RHEBL1: variants seen among roughly 807,000 people sequenced by gnomAD.
RHEBL1 encodes the protein GTPase RhebL1.
RHEBL1 carries 22 observed loss-of-function variants against 27.4 expected under a neutral mutation model. The ratio of observed to expected loss-of-function variants is 0.80; its 90% confidence interval spans 0.57 to 1.15. The LOEUF is 1.15. Among genes scored for constraint, RHEBL1 ranks in the 50% most tolerant of loss-of-function variants. The pLI is 0.00. For synonymous variants in RHEBL1, 85 were observed against 80.8 expected (o/e 1.05, Z -0.28); for missense variants, 186 against 226.5 (o/e 0.82, Z 1.15).
Position 49,065,182 on chromosome 12 carries a change from C to T in RHEBL1, c.473G>A (p.Gly158Asp). ...SSARENQLTQGIFTKVIQEIA... is the reference protein window; with the variant it reads ...SSARENQLTQDIFTKVIQEIA... ...CTCCTGGATGACTTTGGTGAAGATG[C>T]CTTGAGTCAGCTATAAGAGGAGAGG... Residue 158 changes from glycine to aspartate, a missense_variant, in exon 8 of 8, where the codon GGC becomes GAC. Physicochemically the swap from Gly to Asp is moderately conservative, Grantham distance 94. Transcript: ENST00000301068. 1.9e-6 allele frequency: 3 copies of T among 1,613,698 alleles called. No individual in the cohort carries two copies. The highest frequency in any genetic ancestry group is 2.5e-6 in the Non-Finnish European group (3 of 1,179,584).
rs746941255 is a variant in RHEBL1, at chr12:49,069,834, CG to C, written c.-50del. 1 of 1,559,454 alleles carries C rather than the reference CG, an allele frequency of 6.4e-7. No homozygotes were observed. Among genetic ancestry groups the C allele is most frequent in the Admixed American group, 1.7e-5 (1 of 59,554 alleles). On this transcript the variant is annotated 5_prime_UTR_variant, in exon 1 of 8. Coordinates refer to ENST00000301068, the MANE Select transcript of RHEBL1 (RefSeq NM_144593.3). Reference sequence around the variant, plus strand: ...TGCGGAACTGCGGGCTCAGAGAGCCCGAAAACGAGGTCAGGGTGTGAGCAGG... The same window carrying C: ...TGCGGAACTGCGGGCTCAGAGAGCCCAAAACGAGGTCAGGGTGTGAGCAGG...
chr12:49,064,710 T>C lies in RHEBL1; in HGVS notation c.*393A>G, dbSNP rs996146218. 8 of 201,340 alleles carry C rather than the reference T, an allele frequency of 4.0e-5. No individual in the cohort carries two copies. Among genetic ancestry groups the C allele is most frequent in the Admixed American group, 3.6e-4 (7 of 19,288 alleles). 12.5% of individuals were successfully genotyped at this position (201,340 alleles called of 1,614,324 possible). Reference sequence around the variant, plus strand: ...AAAGATTTCTCAATTTATTTGCATATATACATTGTCACCCCAGGGAGCCAG... The same window carrying C: ...AAAGATTTCTCAATTTATTTGCATACATACATTGTCACCCCAGGGAGCCAG... On this transcript the variant is annotated 3_prime_UTR_variant, in exon 8 of 8. Coordinates refer to ENST00000301068, the MANE Select transcript of RHEBL1 (RefSeq NM_144593.3).
intron 6 of RHEBL1, 40 bp downstream of exon 6, chr12:49,066,191 T>C: frequency 6.4e-7 from 1 of 1,554,940 alleles, no homozygotes; most frequent in Non-Finnish European, 8.9e-7. Flanking sequence ...TCCCAGTCCA[T>C]TTCACTTCCT....
Position 49,064,898 on chromosome 12 carries a change from A to T in RHEBL1, c.*205T>A. 1 of 587,218 alleles carries T rather than the reference A, an allele frequency of 1.7e-6. No homozygotes were observed. The highest frequency in any genetic ancestry group is 3.0e-6 in the Non-Finnish European group (1 of 328,000). 36.4% of individuals were successfully genotyped at this position (587,218 alleles called of 1,614,324 possible). The stretch of plus-strand genomic sequence containing the variant: ...AGAGGGCTAGAGGCCAGTGTCCATG[A>T]GAGGTCCTTGCCCCTTTGTAAACAT... On this transcript the variant is annotated 3_prime_UTR_variant, in exon 8 of 8. Coordinates refer to ENST00000301068, the MANE Select transcript of RHEBL1 (RefSeq NM_144593.3).
intron 3 of RHEBL1, 97 bp from the exon 4 acceptor site, chr12:49,066,798 C>T: frequency 1.7e-6 from 2 of 1,204,744 alleles, no homozygotes; most frequent in Non-Finnish European, 2.5e-6. Context: ...TGGGGCACGC[C>T]CTACTATAGT....
rs137924688 is a variant in RHEBL1 at position 49,069,071 on chromosome 12, C to A, written c.88G>T (p.Glu30Ter). The change falls in exon 2 of 8, where the codon GAG (glutamate) becomes TAG (stop). Residue 30 changes from glutamate (E) to a stop codon, truncating the protein, a stop_gained. Transcript: ENST00000301068. LOFTEE classifies it high-confidence loss of function. ...TSLAHQFVEG[E>*]FSEGYDPTVE... ...GTAGGATCGTAGCCTTCCGAGAACT[C>A]GCCTTCCACAAATTGATGTGCCAAA... The A allele has an allele frequency of 1.2e-6, 2 of 1,614,040 alleles. No homozygotes were observed. The highest frequency in any genetic ancestry group is 2.7e-5 in the African/African-American group (2 of 74,924).
At position 49,064,755 on chromosome 12, in the gene RHEBL1, G is replaced by A. The variant is rs1005359547; in HGVS notation, c.*348C>T. The A allele has an allele frequency of 2.9e-5, 7 of 242,350 alleles. No homozygotes were observed. Among genetic ancestry groups the A allele is most frequent in the African/African-American group, 8.8e-5 (4 of 45,406 alleles). 15.0% of individuals were successfully genotyped at this position (242,350 alleles called of 1,614,324 possible). A position where few individuals can be genotyped will look rare whatever the true frequency, so the allele number is the denominator to read the frequency against. On this transcript the variant is annotated 3_prime_UTR_variant, in exon 8 of 8. Coordinates refer to ENST00000301068, the MANE Select transcript of RHEBL1 (RefSeq NM_144593.3). ...AGCCAGCTCTATTTCAGAAGTCCCC[G>A]GCTCCCCTTACCCAGCCAACACCCA...
chr12:49,065,722 G>A (rs1055795301), intron 6 of RHEBL1, among the ~76,000 whole-genome samples: 7 of 152,036 alleles, frequency 4.6e-5, no homozygotes, highest in Non-Finnish European at 1.0e-4. Context: ...TCAGGAGATC[G>A]AGACCATCCT....
At position 49,065,925 on chromosome 12, in the gene RHEBL1, A is replaced by G. The variant is rs1320920620; in HGVS notation, c.380+306T>C. On this transcript the variant is annotated intron_variant, in intron 6 of 7. Coordinates refer to ENST00000301068, the MANE Select transcript of RHEBL1 (RefSeq NM_144593.3). Reference sequence around the variant, plus strand: ...GGGCAACAGAGCAAGACTCCGTCTAAAAAAAAAAAAAATAGAGAAGAAAAA... The same window carrying G: ...GGGCAACAGAGCAAGACTCCGTCTAGAAAAAAAAAAAATAGAGAAGAAAAA... Among the ~76,000 whole-genome samples, 3 of 91,146 alleles carry G rather than the reference A, an allele frequency of 3.3e-5. No individual in the cohort carries two copies. The South Asian group carries it at 1.8e-3, about 55-fold the overall frequency. 59.8% of individuals were successfully genotyped at this position (91,146 alleles called of 152,430 possible).
At chr12:49,067,368 C>T (rs1374005799) in intron 2 of RHEBL1, among the ~76,000 whole-genome samples, 1 of 151,852 alleles carries the variant, frequency 6.6e-6, no homozygotes, top group Non-Finnish European at 1.5e-5. Flanking sequence ...TAGCCTGGAA[C>T]TCCTGGGCTC....
intron 2 of RHEBL1, among the ~76,000 whole-genome samples, chr12:49,068,461 AGT>A (rs1259425599): frequency 8.5e-6 from 1 of 118,276 alleles, no homozygotes; most frequent in African/African-American, 3.4e-5. Context: ...TTTTTGAGAC[AGT>A]CTCACCCTGA....
At chr12:49,065,850 G>A (rs573168611) in intron 6 of RHEBL1, among the ~76,000 whole-genome samples, 20 of 151,320 alleles carry the variant, frequency 1.3e-4, no homozygotes, top group Non-Finnish European at 2.4e-4. Flanking sequence ...GCTTGAACCC[G>A]GGAGGCAGAG....
Position 49,066,508 on chromosome 12 carries a change from G to A in RHEBL1, c.300C>T (p.Tyr100=). 1 of 1,614,032 alleles carries A rather than the reference G, an allele frequency of 6.2e-7. No individual in the cohort carries two copies. ...LHSFQVIESL[Y]QKLHEGHGKT... is the part of the protein sequence containing the mutation. ...TCCCATGGCCTTCATGTAGCTTTTG[G>A]TACAGACTCTCAATGACTTGGAAGC... The change falls in exon 5 of 8, where the codon TAC becomes TAT. Residue 100 remains tyrosine, a synonymous_variant. Coordinates refer to ENST00000301068, the MANE Select transcript of RHEBL1 (RefSeq NM_144593.3).
In RHEBL1 at chr12:49,066,840, A is replaced by G. The variant is rs888736238; in HGVS notation, c.192+128T>C. Reference sequence around the variant, plus strand: ...AACATGTATTTATGGAACAGCTCCAATGAGCCCTGCATACTGTTAGCAGGT... The same window carrying G: ...AACATGTATTTATGGAACAGCTCCAGTGAGCCCTGCATACTGTTAGCAGGT... On this transcript the variant is annotated intron_variant, in intron 3 of 7. Transcript: ENST00000301068. 6.4e-6 allele frequency: 7 copies of G among 1,091,672 alleles called. No individual in the cohort carries two copies. The African/African-American group carries it at 7.7e-5, about 12-fold the overall frequency. 67.6% of individuals were successfully genotyped at this position (1,091,672 alleles called of 1,614,324 possible). A position where few individuals can be genotyped will look rare whatever the true frequency, so the allele number is the denominator to read the frequency against.
At chr12:49,069,226 GC>G in intron 1 of RHEBL1, 120 bp from the exon 2 acceptor site, 1 of 1,554,006 alleles carries the variant, frequency 6.4e-7, no homozygotes, top group Non-Finnish European at 8.7e-7. Flanking sequence ...GTCTGTGAGT[GC>G]CTCAAGCAAT....
chr12:49,067,274 AT>A (rs1055938404), intron 2 of RHEBL1, among the ~76,000 whole-genome samples: 86 of 140,970 alleles, frequency 6.1e-4, no homozygotes, highest in Admixed American at 7.1e-4. Context: ...GGCTAATTAC[AT>A]TTTTTTTTTT....
At chr12:49,065,222 T>C (rs1399459959) in intron 7 of RHEBL1, 30 bp from the exon 8 acceptor site, 1 of 1,588,884 alleles carries the variant, frequency 6.3e-7, no homozygotes, top group South Asian at 1.1e-5. Flanking sequence ...AGGGCAAAAG[T>C]CAGTTCAGTG....
intron 1 of RHEBL1, 117 bp downstream of exon 1, chr12:49,069,617 T>G (rs1939055236): frequency 8.7e-6 from 8 of 920,996 alleles, no homozygotes; most frequent in Non-Finnish European, 1.4e-5. Flanking sequence ...CAATCCTCGC[T>G]CTACAACCCC....
chr12:49,065,237 T>C (rs1366639829), intron 7 of RHEBL1, 45 bp from the exon 8 acceptor site: 2 of 1,565,472 alleles, frequency 1.3e-6, no homozygotes, highest in Admixed American at 1.7e-5. Context: ...TCAGTGCCAA[T>C]ACCACCCAGC....
Sources: allele counts gnomAD v4.1 joint callset (sites outside exome capture counted in the v4.1 genomes callset), GRCh38; gene constraint gnomAD v4.1.1; transcripts MANE v1.5; gene names NCBI Gene and HGNC (gene_info 2026-07-23, HGNC 2026-07-21).